The following ACTN2 variants were observed in gnomAD, a reference collection of about 807,000 sequenced individuals.
The protein encoded by ACTN2 is actinin alpha 2.
Under a neutral mutation model 113.8 loss-of-function variants are expected in ACTN2, and 39 were observed. The ratio of observed to expected loss-of-function variants is 0.34; its 90% confidence interval spans 0.27 to 0.45. The LOEUF is 0.45. Ranked by LOEUF, ACTN2 falls within the 20% of genes least tolerant of loss-of-function variation. The pLI, the probability that ACTN2 is intolerant of heterozygous loss-of-function variation, is 1.00. For synonymous variants in ACTN2, 429 were observed against 444.1 expected, an observed-to-expected ratio of 0.97 and a Z score of 0.43; for missense variants, 992 against 1,177.9, an observed-to-expected ratio of 0.84 and a Z score of 2.31.
chr1:236,759,900 T>C (rs1209768522), intron 19 of ACTN2, 111 bp downstream of exon 19: 1 of 934,614 alleles, frequency 1.1e-6, no homozygotes, highest in Non-Finnish European at 1.7e-6. Flanking sequence ...ATTGGTTCGT[T>C]TTCATTATAT....
intron 4 of ACTN2, among the ~76,000 whole-genome samples, chr1:236,723,724 T>A (rs1421751486): frequency 6.6e-6 from 1 of 152,178 alleles, no homozygotes; most frequent in Non-Finnish European, 1.5e-5. Context: ...CCCAAAGTGC[T>A]GGGATTACAG....
intron 1 of ACTN2, among the ~76,000 whole-genome samples, chr1:236,711,869 G>A (rs1375037501): frequency 1.3e-5 from 2 of 152,160 alleles, no homozygotes; most frequent in Non-Finnish European, 2.9e-5. Flanking sequence ...GAGGTTGGAG[G>A]GTTCTGCATG....
intron 15 of ACTN2, among the ~76,000 whole-genome samples, chr1:236,752,325 C>T (rs187985353): frequency 2.3e-3 from 353 of 152,082 alleles, no homozygotes; most frequent in African/African-American, 8.1e-3. Flanking sequence ...TAAAAACACA[C>T]GTGCTGCAAG....
At chr1:236,732,732 T>C (rs913659814) in intron 7 of ACTN2, among the ~76,000 whole-genome samples, 2 of 152,192 alleles carry the variant, frequency 1.3e-5, no homozygotes, top group South Asian at 2.1e-4. Context: ...CATAAGCCAC[T>C]GTGCCTGGCC....
chr1:236,757,972 C>A (rs1429789491), intron 18 of ACTN2, among the ~76,000 whole-genome samples: 1 of 152,110 alleles, frequency 6.6e-6, no homozygotes, highest in Non-Finnish European at 1.5e-5. Context: ...AAATACAAAA[C>A]TCTGATATGC....
At chr1:236,742,032 C>T (rs997953576) in intron 10 of ACTN2, among the ~76,000 whole-genome samples, 2 of 152,138 alleles carry the variant, frequency 1.3e-5, no homozygotes, top group Non-Finnish European at 1.5e-5. Context: ...TCCCCTTGCC[C>T]AGGAGCCCTC....
Position 236,686,805 on chromosome 1 carries a change from C to G in ACTN2, c.126+6C>G, listed in dbSNP as rs1297673693. 6.7e-7 allele frequency: 1 copy of G among 1,495,252 alleles called. No individual in the cohort carries two copies. The allele number at this position is 1,495,252 out of a possible 1,614,324, so 92.6% of individuals were successfully genotyped here. ...GGGAGAAGCAGCAGAGGAAGGTCAG[C>G]AGGGGCCCGCGGGCCGCCCGCGCGT... is the stretch of plus-strand genomic sequence containing the variant. On this transcript the variant is annotated splice_donor_region_variant and intron_variant, in intron 1 of 20. Coordinates refer to ENST00000366578, the MANE Select transcript of ACTN2 (RefSeq NM_001103.4).
chr1:236,731,080 T>C (rs1425602337), intron 6 of ACTN2, among the ~76,000 whole-genome samples, 153 bp from the exon 7 acceptor site: 1 of 152,106 alleles, frequency 6.6e-6, no homozygotes, highest in Non-Finnish European at 1.5e-5. Flanking sequence ...ATGTTTGAAG[T>C]GATTGGGAAA....
chr1:236,747,282 G>A (rs953904023), intron 12 of ACTN2, among the ~76,000 whole-genome samples: 19 of 152,194 alleles, frequency 1.2e-4, no homozygotes, highest in African/African-American at 4.3e-4. Context: ...TTACAGTGAT[G>A]ACAGTTAACA....
At chr1:236,750,765 G>A (rs1659369612) in intron 14 of ACTN2, among the ~76,000 whole-genome samples, 1 of 152,032 alleles carries the variant, frequency 6.6e-6, no homozygotes, top group South Asian at 2.1e-4. Flanking sequence ...TGCTTTTGTA[G>A]GACTGCAAAG....
At position 236,761,102 on chromosome 1, in the gene ACTN2, A is replaced by T. The variant is rs1659693740; in HGVS notation, c.2455A>T (p.Thr819Ser). Residue 819 changes from threonine (T) to serine (S), a missense_variant, in exon 20 of 21, where the codon ACT becomes TCT. Physicochemically the swap from Thr to Ser is moderately conservative, Grantham distance 58. Around this residue, in one of 3 missense-constraint regions of ACTN2, gnomAD observed 736 missense variants for 815.4 expected, o/e 0.90. Transcript: ENST00000366578. ...VTFQSFIDFM[T>S]RETADTDTAE... ...CTTCCAATCCTTCATCGACTTCATG[A>T]CTAGAGAGACGGCTGACACCGACAC... 6.2e-7 allele frequency: 1 copy of T among 1,613,954 alleles called. No individual in the cohort carries two copies. The highest frequency in any genetic ancestry group is 1.3e-5 in the African/African-American group (1 of 74,886).
chr1:236,755,267 T>C, intron 17 of ACTN2, 69 bp downstream of exon 17: 1 of 1,565,748 alleles, frequency 6.4e-7, no homozygotes, highest in South Asian at 1.1e-5. Flanking sequence ...CAGGGTGCTT[T>C]CTTCATGCAC....
intron 1 of ACTN2, among the ~76,000 whole-genome samples, chr1:236,717,562 G>C (rs1420401427): frequency 6.6e-6 from 1 of 152,096 alleles, no homozygotes; most frequent in East Asian, 1.9e-4. Flanking sequence ...AAAGTAAAAG[G>C]GTTTCAAAAG....
chr1:236,728,943 A>G (rs1344355257), intron 6 of ACTN2, among the ~76,000 whole-genome samples: 3 of 151,888 alleles, frequency 2.0e-5, no homozygotes, highest in Admixed American at 6.6e-5. Context: ...AAAGATATCA[A>G]TGTCCTTTCT....
chr1:236,762,061 T>C (rs972189643), intron 20 of ACTN2, among the ~76,000 whole-genome samples: 34 of 152,314 alleles, frequency 2.2e-4, no homozygotes, highest in African/African-American at 7.2e-4. Context: ...AATGTGATAT[T>C]TGAGATTTAC....
chr1:236,737,297 G>GTATGTATATATATATATATATATA, intron 9 of ACTN2, 83 bp downstream of exon 9: 8 of 322,238 alleles, frequency 2.5e-5, no homozygotes, highest in East Asian at 1.2e-4. Context: ...CTCCGTGGGG[G>GTATGTATATATATATATATATATA]CATATATATA....
chr1:236,727,824 C>T, intron 6 of ACTN2, 68 bp downstream of exon 6: 2 of 1,482,400 alleles, frequency 1.3e-6, no homozygotes, highest in East Asian at 2.3e-5. Flanking sequence ...CAAATGAGCA[C>T]ATCAGCACTA....
intron 12 of ACTN2, among the ~76,000 whole-genome samples, chr1:236,745,609 C>T (rs530835516): frequency 1.8e-4 from 28 of 152,140 alleles, no homozygotes; most frequent in South Asian, 1.2e-3. Flanking sequence ...GGATTTGGCA[C>T]GGAGTGAATG....
At chr1:236,747,581 TC>T in intron 12 of ACTN2, 85 bp from the exon 13 acceptor site, 1 of 1,201,428 alleles carries the variant, frequency 8.3e-7, no homozygotes, top group South Asian at 1.3e-5. Context: ...TTTTTAAACT[TC>T]CCTGTTATTT....
Sources: allele counts gnomAD v4.1 joint callset (sites outside exome capture counted in the v4.1 genomes callset), GRCh38; gene constraint gnomAD v4.1.1; regional missense constraint gnomAD v4.1.1; transcripts MANE v1.5; gene names NCBI Gene and HGNC (gene_info 2026-07-23, HGNC 2026-07-21).